MAN1A1: variants seen among roughly 807,000 people sequenced by gnomAD.
MAN1A1 encodes the protein mannosidase alpha class 1A member 1.
A neutral mutation model predicts 70.8 loss-of-function variants in MAN1A1; 29 were observed. The ratio of observed to expected loss-of-function variants is 0.41; its 90% CI spans 0.31 to 0.56. The LOEUF is 0.56. MAN1A1 is among the 20% of genes least tolerant of loss of function. The pLI is 0.29. For missense variants in MAN1A1, 747 were observed against 841.3 expected (o/e 0.89, Z 1.39); for synonymous variants, 349 against 330.1 (o/e 1.06, Z -0.62).
intron 6 of MAN1A1, among the ~76,000 whole-genome samples, chr6:119,207,151 C>T (rs909715): frequency 0.096 from 14,618 of 152,200 alleles, 821 homozygotes; most frequent in African/African-American, 0.15. Flanking sequence ...AGAAACATTT[C>T]TTAACATTTA....
Position 119,271,773 on chromosome 6 carries a change from G to T in MAN1A1, c.897+18910C>A, listed in dbSNP as rs371240336. On this transcript the variant is annotated intron_variant, in intron 5 of 12. Transcript: ENST00000368468. ...CCTGCCTCGGCCTCCCAAAATGCTG[G>T]GATTACAGGCATGAGCCACCACGCC... Among the ~76,000 whole-genome samples, 13 of 152,162 alleles carry T rather than the reference G, an allele frequency of 8.5e-5. No individual in the cohort carries two copies. The East Asian group carries it at 1.4e-3, about 16-fold the overall frequency.
intron 2 of MAN1A1, among the ~76,000 whole-genome samples, chr6:119,321,691 C>T (rs149028560): frequency 0.028 from 4,214 of 150,684 alleles, 93 homozygotes; most frequent in Non-Finnish European, 0.045. Context: ...AATCTCAGCT[C>T]ACCGCAGCCT....
upstream of MAN1A1, chr6:119,350,432 T>A (rs1773882083): frequency 1.7e-6 from 1 of 588,144 alleles, no homozygotes; most frequent in South Asian, 7.6e-5. Flanking sequence ...TGCTTAGGAC[T>A]TTTTTCGTAT....
intron 6 of MAN1A1, among the ~76,000 whole-genome samples, chr6:119,237,272 ACCG>A (rs1165713962): frequency 6.6e-6 from 1 of 152,238 alleles, no homozygotes. Flanking sequence ...AAGAAGTTTT[ACCG>A]TGTGGAAAAT....
intron 6 of MAN1A1, among the ~76,000 whole-genome samples, chr6:119,214,018 G>A (rs1277322045): frequency 6.6e-6 from 1 of 152,064 alleles, no homozygotes; most frequent in African/African-American, 2.4e-5. Flanking sequence ...AGGCTGGAGT[G>A]CAGTGGCACG....
At chr6:119,258,057 A>C (rs1198533223) in intron 5 of MAN1A1, among the ~76,000 whole-genome samples, 1 of 152,188 alleles carries the variant, frequency 6.6e-6, no homozygotes, top group African/African-American at 2.4e-5. Flanking sequence ...ATGCCTACTA[A>C]AGAGATGGGA....
At chr6:119,279,533 T>C (rs1231166425) in intron 5 of MAN1A1, among the ~76,000 whole-genome samples, 1 of 152,244 alleles carries the variant, frequency 6.6e-6, no homozygotes, top group Non-Finnish European at 1.5e-5. Flanking sequence ...ACCTCTACCA[T>C]GTTTCTGTAC....
chr6:119,300,127 C>T (rs1056296939), intron 4 of MAN1A1, among the ~76,000 whole-genome samples: 3 of 152,092 alleles, frequency 2.0e-5, no homozygotes, highest in South Asian at 2.1e-4. Flanking sequence ...GTTATTATTC[C>T]CCTACCCTTT....
chr6:119,310,525 T>C (rs1220324237), intron 2 of MAN1A1, among the ~76,000 whole-genome samples: 1 of 152,166 alleles, frequency 6.6e-6, no homozygotes, highest in African/African-American at 2.4e-5. Flanking sequence ...TGCTGAGAGC[T>C]AGCCATGAGC....
intron 2 of MAN1A1, among the ~76,000 whole-genome samples, chr6:119,342,705 T>C (rs1182834269): frequency 3.3e-5 from 5 of 152,226 alleles, no homozygotes; most frequent in Admixed American, 1.3e-4. Flanking sequence ...GTGGAGAGAA[T>C]TGCCCATAGA....
intron 5 of MAN1A1, among the ~76,000 whole-genome samples, chr6:119,284,762 A>G (rs1384334944): frequency 1.3e-5 from 2 of 151,926 alleles, no homozygotes; most frequent in Non-Finnish European, 2.9e-5. Flanking sequence ...AGATTTTTAA[A>G]TTTTCAAGTA....
intron 5 of MAN1A1, among the ~76,000 whole-genome samples, chr6:119,290,112 C>G (rs772907969): frequency 1.3e-5 from 2 of 151,864 alleles, no homozygotes; most frequent in Non-Finnish European, 2.9e-5. Flanking sequence ...TAAAAGGCAG[C>G]TAAATTTAAA....
chr6:119,203,920 T>C lies in MAN1A1; in HGVS notation c.1116+839A>G, dbSNP rs75544759. Among the ~76,000 whole-genome samples the C allele has an allele frequency of 3.6e-3, 541 of 152,072 alleles. 25 individuals are homozygous for C. In the East Asian group the frequency reaches 0.09, roughly 25 times the overall value. ...GAGATGGTATGTAAAGCCCAGAGACTAGATGCAACAATGTAGGGAGTGAAT... is the reference window on the plus strand; with the variant it reads ...GAGATGGTATGTAAAGCCCAGAGACCAGATGCAACAATGTAGGGAGTGAAT... On this transcript the variant is annotated intron_variant, in intron 7 of 12. Coordinates refer to ENST00000368468, the MANE Select transcript of MAN1A1 (RefSeq NM_005907.4).
At chr6:119,322,779 A>G (rs1319836100) in intron 2 of MAN1A1, among the ~76,000 whole-genome samples, 1 of 152,218 alleles carries the variant, frequency 6.6e-6, no homozygotes, top group East Asian at 1.9e-4. Flanking sequence ...TGTCTTCAGC[A>G]TAAGGCTCTG....
At chr6:119,325,647 C>T (rs758815439) in intron 2 of MAN1A1, among the ~76,000 whole-genome samples, 2 of 152,084 alleles carry the variant, frequency 1.3e-5, no homozygotes, top group African/African-American at 2.4e-5. Flanking sequence ...AACAATACTC[C>T]GTCGCCGGGG....
chr6:119,316,330 T>TA lies in MAN1A1; in HGVS notation c.604-9339dup, dbSNP rs565838222. Among the ~76,000 whole-genome samples the TA allele has an allele frequency of 1.9e-3, 282 of 152,144 alleles. 1 individual carries two copies. Among genetic ancestry groups the TA allele is most frequent in the Non-Finnish European group, 3.2e-3 (218 of 67,990 alleles). On this transcript the variant is annotated intron_variant, in intron 2 of 12. Coordinates refer to ENST00000368468, the MANE Select transcript of MAN1A1 (RefSeq NM_005907.4). ...GCAGCTGGAATTACAGGTGCCTGGC[T>TA]AATTTTTGTATTTTTAGTAGAGACG... is the stretch of plus-strand genomic sequence containing the variant.
intron 6 of MAN1A1, among the ~76,000 whole-genome samples, chr6:119,218,949 T>G (rs775009787): frequency 3.3e-5 from 5 of 152,174 alleles, no homozygotes; most frequent in Non-Finnish European, 5.9e-5. Context: ...TAGAAATGCT[T>G]TGATCTTTAG....
At chr6:119,268,595 T>A (rs1018639351) in intron 5 of MAN1A1, among the ~76,000 whole-genome samples, 5 of 148,334 alleles carry the variant, frequency 3.4e-5, no homozygotes, top group Non-Finnish European at 7.4e-5. Flanking sequence ...ATTGTTTTAC[T>A]TTTTTTTTTG....
At chr6:119,202,284 A>T (rs2114946942) in intron 7 of MAN1A1, among the ~76,000 whole-genome samples, 1 of 152,240 alleles carries the variant, frequency 6.6e-6, no homozygotes, top group South Asian at 2.1e-4. Flanking sequence ...TTTGTTAAAA[A>T]CTAAGACACA....
Sources: gnomAD v4.1 joint callset for allele counts (sites outside exome capture counted in the v4.1 genomes callset) on GRCh38, gnomAD v4.1.1 for gene constraint, MANE v1.5 for transcripts, NCBI Gene and HGNC (gene_info 2026-07-23, HGNC 2026-07-21) for gene names.